The following CHRM3 variants were observed in gnomAD, a reference collection of about 807,000 sequenced individuals.
The protein encoded by CHRM3 is muscarinic acetylcholine receptor M3.
Under a neutral mutation model 41.8 loss-of-function variants are expected in CHRM3, and 11 were observed. The ratio of observed to expected loss-of-function variants is 0.26; its 90% CI spans 0.17 to 0.44. The LOEUF (loss-of-function observed/expected upper bound fraction) is 0.44. Among genes scored for constraint, CHRM3 ranks in the 20% least tolerant of loss-of-function variants. The pLI, the probability that CHRM3 is intolerant of heterozygous loss-of-function variation, is 1.00. For missense variants in CHRM3, 571 were observed against 745.4 expected (o/e 0.77, Z 2.72); for synonymous variants, 297 against 301.4 (o/e 0.99, Z 0.15).
intron 6 of CHRM3, among the ~76,000 whole-genome samples, chr1:239,890,067 C>A (rs1363867915): frequency 6.6e-6 from 1 of 152,126 alleles, no homozygotes; most frequent in East Asian, 1.9e-4. Context: ...GTAATCCCAG[C>A]ACTTTGGGAG....
chr1:239,509,345 A>G (rs533110268), intron 2 of CHRM3, among the ~76,000 whole-genome samples: 1 of 152,342 alleles, frequency 6.6e-6, no homozygotes, highest in East Asian at 1.9e-4. Context: ...ATTTAAATAA[A>G]TGCTATCAAT....
At chr1:239,488,565 A>G (rs1001431883) in intron 1 of CHRM3, among the ~76,000 whole-genome samples, 15 of 151,804 alleles carry the variant, frequency 9.9e-5, no homozygotes, top group Non-Finnish European at 2.1e-4. Context: ...AATGCAAAAA[A>G]TTAGCTGTGT....
At chr1:239,894,820 G>C (rs1054479323) in intron 6 of CHRM3, among the ~76,000 whole-genome samples, 1 of 151,984 alleles carries the variant, frequency 6.6e-6, no homozygotes, top group Non-Finnish European at 1.5e-5. Context: ...TAACCATACA[G>C]TATTACTAGT....
At chr1:239,512,618 AC>A (rs1668997634) in intron 2 of CHRM3, among the ~76,000 whole-genome samples, 1 of 149,426 alleles carries the variant, frequency 6.7e-6, no homozygotes, top group South Asian at 2.1e-4. Context: ...TCTTCCTCCC[AC>A]CCTTCTTTTT....
At chr1:239,423,171 A>C (rs1255017829) in intron 1 of CHRM3, among the ~76,000 whole-genome samples, 1 of 152,218 alleles carries the variant, frequency 6.6e-6, no homozygotes, top group African/African-American at 2.4e-5. Context: ...AAAAGATTGA[A>C]ATTCCAAAGA....
At chr1:239,658,814 C>T (rs910285897) in intron 4 of CHRM3, among the ~76,000 whole-genome samples, 1 of 151,954 alleles carries the variant, frequency 6.6e-6, no homozygotes, top group African/African-American at 2.4e-5. Flanking sequence ...TCTTGGCTCA[C>T]TGCAACCTCC....
At chr1:239,892,504 T>C (rs1572613219) in intron 6 of CHRM3, among the ~76,000 whole-genome samples, 1 of 152,256 alleles carries the variant, frequency 6.6e-6, no homozygotes, top group East Asian at 1.9e-4. Context: ...ATCTTAAACT[T>C]CATTGCAATC....
intron 1 of CHRM3, among the ~76,000 whole-genome samples, chr1:239,392,069 T>C (rs1659081776): frequency 6.6e-6 from 1 of 152,216 alleles, no homozygotes; most frequent in South Asian, 2.1e-4. Context: ...ATTTAATGTC[T>C]GGCCTGGGAA....
intron 1 of CHRM3, among the ~76,000 whole-genome samples, chr1:239,394,090 G>A (rs746308747): frequency 2.0e-5 from 3 of 152,188 alleles, no homozygotes; most frequent in Non-Finnish European, 4.4e-5. Context: ...GCTTTTCAGA[G>A]CATATGATCA....
Position 239,912,681 on chromosome 1 carries a change from G to A in CHRM3, c.*3457G>A, listed in dbSNP as rs971184371. ...GCCAAGGCTCTGTCACAGCGGAGAA[G>A]TCTAATACCAGAGTGGCACAGAGAA... On this transcript the variant is annotated 3_prime_UTR_variant, in exon 7 of 7. Coordinates refer to ENST00000676153, the MANE Select transcript of CHRM3 (RefSeq NM_001375978.1). 2 of 167,260 alleles carry A rather than the reference G, an allele frequency of 1.2e-5. No individual in the cohort carries two copies. The highest frequency in any genetic ancestry group is 4.8e-5 in the African/African-American group (2 of 41,462). The allele number at this position is 167,260 out of a possible 1,614,324, so 10.4% of individuals were successfully genotyped here.
chr1:239,538,138 G>A (rs1488390346), intron 2 of CHRM3, among the ~76,000 whole-genome samples: 4 of 152,182 alleles, frequency 2.6e-5, no homozygotes, highest in African/African-American at 9.7e-5. Context: ...GAGAAATGCA[G>A]GAGCATGTAA....
intron 2 of CHRM3, among the ~76,000 whole-genome samples, chr1:239,507,825 G>A (rs933294394): frequency 6.6e-6 from 1 of 152,158 alleles, no homozygotes; most frequent in Non-Finnish European, 1.5e-5. Flanking sequence ...GGGGGGCTTA[G>A]GATGCCAGAG....
intron 6 of CHRM3, among the ~76,000 whole-genome samples, chr1:239,849,711 A>G (rs557395329): frequency 6.6e-6 from 1 of 152,224 alleles, no homozygotes; most frequent in East Asian, 1.9e-4. Context: ...CGTTAGGCAA[A>G]TTGCTTCACC....
intron 5 of CHRM3, among the ~76,000 whole-genome samples, chr1:239,816,001 CT>C (rs530646736): frequency 1.9e-4 from 28 of 149,578 alleles, no homozygotes; most frequent in African/African-American, 5.2e-4. Context: ...TCTGGTTTGT[CT>C]TTTTTTTTTC....
chr1:239,743,788 C>CTTTT (rs10718514), intron 5 of CHRM3, among the ~76,000 whole-genome samples: 41 of 81,188 alleles, frequency 5.1e-4, no homozygotes, highest in Non-Finnish European at 6.0e-4. Context: ...TTTTTTTTTT[C>CTTTT]TTTTTTTTTT....
intron 3 of CHRM3, among the ~76,000 whole-genome samples, chr1:239,612,414 G>T (rs1317180300): frequency 6.6e-6 from 1 of 152,226 alleles, no homozygotes; most frequent in East Asian, 1.9e-4. Context: ...GTTTTGCAAA[G>T]GGTTCTTTAC....
rs538720067 is a variant in CHRM3 at position 239,760,899 on chromosome 1, G to A, written c.-146-66353G>A. On this transcript the variant is annotated intron_variant, in intron 5 of 6. Coordinates refer to ENST00000676153, the MANE Select transcript of CHRM3 (RefSeq NM_001375978.1). The stretch of plus-strand genomic sequence containing the variant: ...TTTGCCAAGCTTCTTGAATCTATGC[G>A]CTTGTCGTTTCCATCAGATTTGGAG... Among the ~76,000 whole-genome samples, 29 of 152,190 alleles carry A rather than the reference G, an allele frequency of 1.9e-4. No individual in the cohort carries two copies. The South Asian group carries it at 5.8e-3, about 31-fold the overall frequency.
At chr1:239,643,133 C>T (rs1169362292) in intron 4 of CHRM3, among the ~76,000 whole-genome samples, 1 of 152,120 alleles carries the variant, frequency 6.6e-6, no homozygotes, top group Non-Finnish European at 1.5e-5. Flanking sequence ...GAAGTTTTGT[C>T]TCAGAGGAGT....
At chr1:239,491,166 A>G (rs778929303) in intron 1 of CHRM3, among the ~76,000 whole-genome samples, 1 of 152,232 alleles carries the variant, frequency 6.6e-6, no homozygotes, top group Non-Finnish European at 1.5e-5. Flanking sequence ...TTTCCATCAC[A>G]TCAGACATTA....
Sources: gnomAD v4.1 joint callset for allele counts (sites outside exome capture counted in the v4.1 genomes callset) on GRCh38, gnomAD v4.1.1 for gene constraint, MANE v1.5 for transcripts, NCBI Gene and HGNC (gene_info 2026-07-23, HGNC 2026-07-21) for gene names.